The following SFMBT1 variants were observed in gnomAD, a reference collection of about 807,000 sequenced individuals.
SFMBT1 encodes the protein Scm like with four mbt domains 1.
In SFMBT1, 32 loss-of-function variants were observed where a neutral mutation model predicts 108.7. The ratio of observed to expected loss-of-function variants is 0.29; its 90% CI spans 0.22 to 0.40. The LOEUF is 0.40. SFMBT1 is among the 10% of genes least tolerant of loss of function. The probability of loss-of-function intolerance (pLI) is 1.00; values close to 1 mark genes in which losing one functional copy is unlikely to be tolerated. For missense variants in SFMBT1, 816 were observed against 1,059.6 expected (o/e 0.77, Z 3.19); for synonymous variants, 348 against 369.5 (o/e 0.94, Z 0.67).
chr3:52,996,575 G>A (rs2106904944), intron 1 of SFMBT1, among the ~76,000 whole-genome samples: 1 of 149,784 alleles, frequency 6.7e-6, no homozygotes, highest in East Asian at 2.0e-4. Context: ...ATATATGAAT[G>A]GCAAGCACAT....
Position 52,989,422 on chromosome 3 carries a change from CAA to C in SFMBT1, c.-130-20166_-130-20165del, listed in dbSNP as rs762327335. The stretch of plus-strand genomic sequence containing the variant: ...ACTGCACTCCAGCCTGACTCCATCT[CAA>C]AAAAAAAAAAAAAAGAAAGAAAGAA... On this transcript the variant is annotated intron_variant, in intron 1 of 20. Coordinates refer to ENST00000394752, the MANE Select transcript of SFMBT1 (RefSeq NM_016329.4). 1.3e-4 allele frequency among the ~76,000 whole-genome samples: 11 copies of C among 81,702 alleles called. No individual in the cohort carries two copies. In the East Asian group the frequency reaches 1.6e-3, roughly 12 times the overall value. The allele number at this position is 81,702 out of a possible 152,430, so 53.6% of individuals were successfully genotyped here.
chr3:52,941,350 T>G (rs1180288369), intron 4 of SFMBT1, among the ~76,000 whole-genome samples: 2 of 151,990 alleles, frequency 1.3e-5, no homozygotes, highest in Non-Finnish European at 1.5e-5. Context: ...TCCCAGCACT[T>G]TGGGAGGCAG....
chr3:52,978,424 G>GT (rs1704595250), intron 1 of SFMBT1, among the ~76,000 whole-genome samples: 1 of 152,122 alleles, frequency 6.6e-6, no homozygotes, highest in Non-Finnish European at 1.5e-5. Flanking sequence ...ATGTACCTCT[G>GT]TGAGTACCCC....
chr3:52,978,793 G>A (rs1559534826), intron 1 of SFMBT1, among the ~76,000 whole-genome samples: 1 of 152,042 alleles, frequency 6.6e-6, no homozygotes, highest in East Asian at 1.9e-4. Context: ...AAGAAATGAA[G>A]TACGAATACA....
intron 1 of SFMBT1, among the ~76,000 whole-genome samples, chr3:52,978,479 T>A (rs1314312391): frequency 1.3e-5 from 2 of 152,154 alleles, no homozygotes; most frequent in East Asian, 3.9e-4. Flanking sequence ...GTGACCCTAC[T>A]CCTCTGGGGG....
chr3:52,991,051 C>T (rs567403417), intron 1 of SFMBT1, among the ~76,000 whole-genome samples: 228 of 148,918 alleles, frequency 1.5e-3, no homozygotes, highest in African/African-American at 5.2e-3. Context: ...GCAACTATAC[C>T]TAGCACTGCA....
chr3:52,907,054 T>C lies in SFMBT1; in HGVS notation c.2331+15A>G. Reference sequence around the variant, plus strand: ...AGAGAAAGAAAGAAAAAAGAAACTATTTTTTAAATGGTACCTTTGGTGAAG... The same window carrying C: ...AGAGAAAGAAAGAAAAAAGAAACTACTTTTTAAATGGTACCTTTGGTGAAG... On this transcript the variant is annotated intron_variant, in intron 19 of 20. Coordinates refer to ENST00000394752, the MANE Select transcript of SFMBT1 (RefSeq NM_016329.4). The C allele has an allele frequency of 1.3e-6, 2 of 1,586,256 alleles. No homozygotes were observed. Among genetic ancestry groups the C allele is most frequent in the Non-Finnish European group, 1.7e-6 (2 of 1,170,308 alleles).
intron 2 of SFMBT1, among the ~76,000 whole-genome samples, chr3:52,961,272 TA>T (rs1361742797): frequency 1.2e-4 from 19 of 152,124 alleles, no homozygotes; most frequent in Admixed American, 4.6e-4. Flanking sequence ...TGGTGGGTGC[TA>T]GGGGCTAGGG....
At chr3:52,982,538 G>A (rs946259701) in intron 1 of SFMBT1, among the ~76,000 whole-genome samples, 22 of 151,936 alleles carry the variant, frequency 1.4e-4, no homozygotes, top group African/African-American at 5.1e-4. Context: ...AGACAGGCCT[G>A]GCCAACAAGG....
intron 3 of SFMBT1, among the ~76,000 whole-genome samples, chr3:52,946,931 C>T (rs1428779078): frequency 6.6e-6 from 1 of 151,800 alleles, no homozygotes; most frequent in Non-Finnish European, 1.5e-5. Context: ...GCCACCACAC[C>T]TGGTTGATTT....
intron 2 of SFMBT1, among the ~76,000 whole-genome samples, chr3:52,963,417 C>T (rs553688966): frequency 6.6e-6 from 1 of 151,964 alleles, no homozygotes; most frequent in South Asian, 2.1e-4. Flanking sequence ...GGGAAAACCA[C>T]AAGAAAACAG....
intron 1 of SFMBT1, among the ~76,000 whole-genome samples, chr3:52,999,928 G>A (rs981112721): frequency 1.3e-5 from 2 of 149,870 alleles, no homozygotes; most frequent in Admixed American, 6.7e-5. Context: ...GCACAATCTC[G>A]GCTCACTGCA....
intron 8 of SFMBT1, among the ~76,000 whole-genome samples, chr3:52,928,671 T>TATATAC (rs1553635201): frequency 7.2e-5 from 10 of 138,376 alleles, no homozygotes; most frequent in East Asian, 2.0e-4. Flanking sequence ...TATACATATA[T>TATATAC]ACACACACAC....
At chr3:53,007,184 A>T (rs1329651050) in intron 1 of SFMBT1, among the ~76,000 whole-genome samples, 1 of 152,198 alleles carries the variant, frequency 6.6e-6, no homozygotes, top group Non-Finnish European at 1.5e-5. Context: ...GTTTGTTTTA[A>T]ATTATTGTTC....
chr3:52,931,132 C>T (rs2106795655), intron 6 of SFMBT1, 97 bp from the exon 7 acceptor site: 1 of 1,104,948 alleles, frequency 9.1e-7, no homozygotes, highest in Non-Finnish European at 1.3e-6. Flanking sequence ...AGTCACTTTC[C>T]ACTGGAACTA....
chr3:53,015,215 GAA>G (rs56067925), intron 1 of SFMBT1, among the ~76,000 whole-genome samples: 3 of 118,034 alleles, frequency 2.5e-5, no homozygotes, highest in South Asian at 5.1e-4. Context: ...CTGTCCCAAG[GAA>G]AAAAAAAAAA....
At chr3:52,919,083 G>A (rs548363149) in intron 12 of SFMBT1, among the ~76,000 whole-genome samples, 120 of 152,164 alleles carry the variant, frequency 7.9e-4, no homozygotes, top group African/African-American at 2.7e-3. Flanking sequence ...TCACTCGCCC[G>A]CCACTCACCT....
chr3:52,919,178 T>C (rs2106776900), intron 12 of SFMBT1, among the ~76,000 whole-genome samples: 1 of 152,142 alleles, frequency 6.6e-6, no homozygotes, highest in African/African-American at 2.4e-5. Flanking sequence ...GATCTAAACA[T>C]AAATGTAAGG....
chr3:53,012,560 G>A (rs896481665), intron 1 of SFMBT1, among the ~76,000 whole-genome samples: 4 of 151,902 alleles, frequency 2.6e-5, no homozygotes, highest in Admixed American at 1.3e-4. Flanking sequence ...CCGCCACCAC[G>A]CCCGGCTAAT....
Sources: gnomAD v4.1 joint callset for allele counts (sites outside exome capture counted in the v4.1 genomes callset) on GRCh38, gnomAD v4.1.1 for gene constraint, MANE v1.5 for transcripts, NCBI Gene and HGNC (gene_info 2026-07-23, HGNC 2026-07-21) for gene names.